RBFOX1: variants seen among roughly 807,000 people sequenced by gnomAD.
RBFOX1 encodes RNA binding protein fox-1 homolog 1.
A neutral mutation model predicts 57.7 loss-of-function variants in RBFOX1; 8 were observed. That is an observed-to-expected ratio of 0.14 (90% CI 0.08 to 0.25). The LOEUF is 0.25. RBFOX1 is among the 10% of genes least tolerant of loss of function. RBFOX1 has a pLI of 1.00. For missense variants in RBFOX1, 611 were observed against 548.5 expected (o/e 1.11, Z -1.14); for synonymous variants, 326 against 222.4 (o/e 1.47, Z -4.15).
chr16:7,698,140 C>G (rs1008226011), intron 14 of RBFOX1, among the ~76,000 whole-genome samples: 3 of 151,664 alleles, frequency 2.0e-5, no homozygotes, highest in East Asian at 1.9e-4. Context: ...CCTGAAAACC[C>G]CAGACAGGTT....
intron 3 of RBFOX1, among the ~76,000 whole-genome samples, chr16:5,650,860 G>A (rs1384849887): frequency 6.6e-6 from 1 of 151,938 alleles, no homozygotes; most frequent in East Asian, 1.9e-4. Context: ...AGACAGGAAC[G>A]AAGCCAGTGA....
intron 1 of RBFOX1, among the ~76,000 whole-genome samples, chr16:5,391,297 C>G (rs1209092986): frequency 6.6e-6 from 1 of 151,958 alleles, no homozygotes; most frequent in Non-Finnish European, 1.5e-5. Context: ...AAGTTAAAAT[C>G]AAAGCATCAG....
At chr16:6,083,399 C>A (rs1892733066) in intron 1 of RBFOX1, among the ~76,000 whole-genome samples, 1 of 152,146 alleles carries the variant, frequency 6.6e-6, no homozygotes, top group Non-Finnish European at 1.5e-5. Context: ...AACATGTGTT[C>A]CTAGATATGC....
chr16:6,370,676 CA>C (rs2090306774), intron 2 of RBFOX1, among the ~76,000 whole-genome samples: 1 of 151,994 alleles, frequency 6.6e-6, no homozygotes, highest in Non-Finnish European at 1.5e-5. Flanking sequence ...TCCTAGGGAC[CA>C]GGGGGAGGAT....
chr16:5,826,621 A>G (rs2056065165), intron 3 of RBFOX1, among the ~76,000 whole-genome samples: 1 of 152,218 alleles, frequency 6.6e-6, no homozygotes. Context: ...GCTTGCAGGC[A>G]ATAGTTTGCT....
At chr16:5,988,576 C>A (rs940863532) in intron 4 of RBFOX1, among the ~76,000 whole-genome samples, 1 of 152,124 alleles carries the variant, frequency 6.6e-6, no homozygotes, top group Non-Finnish European at 1.5e-5. Flanking sequence ...CCCTGCTTGG[C>A]GGCATGAGCC....
intron 3 of RBFOX1, among the ~76,000 whole-genome samples, chr16:6,823,608 A>T (rs2091685867): frequency 6.6e-6 from 1 of 152,134 alleles, no homozygotes; most frequent in Non-Finnish European, 1.5e-5. Flanking sequence ...TTCCTTGAAT[A>T]TTCCACCAGT....
chr16:6,000,530 G>A (rs1264005433), intron 4 of RBFOX1, among the ~76,000 whole-genome samples: 1 of 152,114 alleles, frequency 6.6e-6, no homozygotes, highest in Non-Finnish European at 1.5e-5. Context: ...CGCAAAATAA[G>A]GGCGAAAACT....
At chr16:7,513,283 T>TAATGAATGAATG (rs71150306) in intron 4 of RBFOX1, among the ~76,000 whole-genome samples, 53 of 135,576 alleles carry the variant, frequency 3.9e-4, no homozygotes, top group African/African-American at 1.5e-3. Flanking sequence ...AAAATAAAAA[T>TAATGAATGAATG]AATGAATGAA....
chr16:6,631,893 G>C (rs1005087653), intron 2 of RBFOX1, among the ~76,000 whole-genome samples: 2 of 152,168 alleles, frequency 1.3e-5, no homozygotes, highest in African/African-American at 2.4e-5. Flanking sequence ...GGTCATTGTA[G>C]CCAAAGAGGA....
chr16:6,412,111 C>T (rs867247203), intron 2 of RBFOX1, among the ~76,000 whole-genome samples: 128 of 138,678 alleles, frequency 9.2e-4, no homozygotes, highest in South Asian at 4.6e-4. Flanking sequence ...CCAGTACAGG[C>T]AATAGTGCAA....
At chr16:5,938,068 C>T (rs569304173) in intron 4 of RBFOX1, among the ~76,000 whole-genome samples, 2 of 152,080 alleles carry the variant, frequency 1.3e-5, no homozygotes, top group African/African-American at 4.8e-5. Flanking sequence ...TTTTTGCTAA[C>T]ATTCTGGCCA....
intron 2 of RBFOX1, among the ~76,000 whole-genome samples, chr16:6,636,315 C>T (rs564968408): frequency 4.4e-4 from 67 of 152,134 alleles, no homozygotes; most frequent in Non-Finnish European, 6.8e-4. Flanking sequence ...GGACTAGAGG[C>T]GCCTGCCACC....
chr16:5,405,314 C>T (rs1178395164), intron 1 of RBFOX1, among the ~76,000 whole-genome samples: 1 of 152,206 alleles, frequency 6.6e-6, no homozygotes, highest in African/African-American at 2.4e-5. Context: ...TGGGAAGTAA[C>T]TGAACTATGG....
chr16:5,859,159 C>G (rs984459071), intron 3 of RBFOX1, among the ~76,000 whole-genome samples: 1 of 152,144 alleles, frequency 6.6e-6, no homozygotes, highest in African/African-American at 2.4e-5. Flanking sequence ...GAGCCGAGAT[C>G]ACGCCACGGC....
chr16:6,946,310 A>G lies in RBFOX1; in HGVS notation c.-15-105747A>G, dbSNP rs534646434. 2.0e-5 allele frequency among the ~76,000 whole-genome samples: 3 copies of G among 152,318 alleles called. No homozygotes were observed. In the East Asian group the frequency reaches 5.8e-4, roughly 29 times the overall value. On this transcript the variant is annotated intron_variant, in intron 3 of 15. Coordinates refer to ENST00000550418, the MANE Select transcript of RBFOX1 (RefSeq NM_018723.4). ...ATATGGGTGTGGCTGTGTTCCAATA[A>G]AACTTTATTTACAAAAATAGTCAGT...
intron 2 of RBFOX1, among the ~76,000 whole-genome samples, chr16:6,578,555 T>C (rs1225948298): frequency 1.4e-5 from 2 of 142,138 alleles, no homozygotes; most frequent in African/African-American, 5.0e-5. Flanking sequence ...ACTCCAAACA[T>C]TGTGCCCAAT....
At chr16:7,487,993 C>T (rs951952485) in intron 4 of RBFOX1, among the ~76,000 whole-genome samples, 7 of 151,980 alleles carry the variant, frequency 4.6e-5, no homozygotes, top group Admixed American at 1.3e-4. Flanking sequence ...AACTCTGGAG[C>T]GTAGATTACA....
chr16:6,316,261 C>G (rs929028194), intron 1 of RBFOX1, among the ~76,000 whole-genome samples: 7 of 152,136 alleles, frequency 4.6e-5, no homozygotes, highest in African/African-American at 1.2e-4. Context: ...ACCTCTCTTT[C>G]AACTCACTGA....
Sources: allele counts gnomAD v4.1 joint callset (sites outside exome capture counted in the v4.1 genomes callset), GRCh38; gene constraint gnomAD v4.1.1; transcripts MANE v1.5; gene names NCBI Gene and HGNC (gene_info 2026-07-23, HGNC 2026-07-21).